COG4: variants seen among roughly 807,000 people sequenced by gnomAD.
COG4 encodes conserved oligomeric Golgi complex subunit 4.
COG4 carries 65 observed loss-of-function variants against 95.1 expected under a neutral mutation model. The observed-to-expected ratio is 0.68, with a 90% confidence interval of 0.56 to 0.84. COG4 has a LOEUF of 0.84. Among genes scored for constraint, COG4 ranks in the 40% least tolerant of loss-of-function variants. The pLI is 0.00. For synonymous variants in COG4, 421 were observed against 374.8 expected (o/e 1.12, Z -1.42); for missense variants, 1,045 against 989.1 (o/e 1.06, Z -0.76).
intron 14 of COG4, among the ~76,000 whole-genome samples, chr16:70,483,536 A>C (rs1274896969): frequency 2.0e-5 from 3 of 152,044 alleles, no homozygotes; most frequent in African/African-American, 7.2e-5. Context: ...GCTCAATGTT[A>C]GGCAGCACCT....
Position 70,496,308 on chromosome 16 carries a change from T to G in COG4, c.1605A>C (p.Thr535=), listed in dbSNP as rs751237267. The G allele has an allele frequency of 4.8e-5, 77 of 1,614,076 alleles. No homozygotes were observed. In the Admixed American group the frequency reaches 1.3e-3, roughly 27 times the overall value. The change falls in exon 12 of 19, where the codon ACA becomes ACC. Residue 535 remains threonine, a synonymous_variant. Transcript: ENST00000323786. ...HSSLQQGKFD[T]KGIESTDEAK... Reference sequence around the variant, plus strand: ...CCTCGTCAGTACTCTCGATGCCTTTTGTGTCAAATTTGCCTTGCTGGAGGC... The same window carrying G: ...CCTCGTCAGTACTCTCGATGCCTTTGGTGTCAAATTTGCCTTGCTGGAGGC...
chr16:70,519,239 T>C (rs1477010416), intron 2 of COG4, among the ~76,000 whole-genome samples: 1 of 88,248 alleles, frequency 1.1e-5, no homozygotes, highest in East Asian at 3.5e-4. Flanking sequence ...GCCATTCTCC[T>C]GCCTCAGCCT....
intron 1 of COG4, among the ~76,000 whole-genome samples, chr16:70,520,672 C>T (rs866046547): frequency 1.3e-5 from 2 of 150,914 alleles, no homozygotes; most frequent in South Asian, 2.1e-4. Flanking sequence ...AAACAAAAAA[C>T]ACCACACACA....
chr16:70,498,240 C>A (rs2049380173), intron 9 of COG4, among the ~76,000 whole-genome samples, 185 bp from the exon 10 acceptor site: 1 of 152,032 alleles, frequency 6.6e-6, no homozygotes, highest in African/African-American at 2.4e-5. Context: ...TAAATATTTT[C>A]CATGTTTTCA....
At chr16:70,521,752 AGT>A (rs1479748799) in intron 1 of COG4, among the ~76,000 whole-genome samples, 2 of 141,362 alleles carry the variant, frequency 1.4e-5, no homozygotes, top group Non-Finnish European at 3.0e-5. Flanking sequence ...CCGAGGCTGG[AGT>A]GCAGTGGTGC....
Position 70,517,732 on chromosome 16 carries a change from A to C in COG4, c.263T>G (p.Leu88Arg). 6.2e-7 allele frequency: 1 copy of C among 1,607,622 alleles called. No individual in the cohort carries two copies. The highest frequency in any genetic ancestry group is 8.5e-7 in the Non-Finnish European group (1 of 1,174,186). ...MVTLHRMGPN[L>R]QLIEGDAKQL... The stretch of plus-strand genomic sequence containing the variant: ...CTTTGCATCTCCCTCAATCAGCTGC[A>C]GATTAGGACTGGAGAAATACATTGT... The change falls in exon 3 of 19, where the codon CTG becomes CGG. Residue 88 changes from leucine to arginine, a missense_variant. Physicochemically the swap from Leu to Arg is moderately radical, Grantham distance 102. Transcript: ENST00000323786.
At chr16:70,491,454 G>C (rs13331220) in intron 12 of COG4, among the ~76,000 whole-genome samples, 17,238 of 140,474 alleles carry the variant, frequency 0.12, 3,424 homozygotes, top group African/African-American at 0.42. Flanking sequence ...TGGGAGATGA[G>C]AGGTTGCAGT....
Position 70,496,644 on chromosome 16 carries a change from G to A in COG4, c.1482-213C>T, listed in dbSNP as rs11641683. ...ACTGATGTGACAAGAACATACAGGGGAGACTGGCCAATCTCTACTGTTCAT... is the reference window on the plus strand; with the variant it reads ...ACTGATGTGACAAGAACATACAGGGAAGACTGGCCAATCTCTACTGTTCAT... On this transcript the variant is annotated intron_variant, in intron 11 of 18. Coordinates refer to ENST00000323786, the MANE Select transcript of COG4 (RefSeq NM_015386.3). Among the ~76,000 whole-genome samples, 60,680 of 151,980 alleles carry A rather than the reference G, an allele frequency of 0.4. 12,618 individuals are homozygous for A. The highest frequency in any genetic ancestry group is 0.66 in the South Asian group (3,168 of 4,816).
At chr16:70,515,466 A>C (rs1397615070) in intron 3 of COG4, among the ~76,000 whole-genome samples, 3 of 152,090 alleles carry the variant, frequency 2.0e-5, no homozygotes, top group Admixed American at 2.0e-4. Context: ...TGGGTGGATC[A>C]CGAGGTCAGG....
At chr16:70,484,101 A>T (rs1175097926) in intron 13 of COG4, 132 bp from the exon 14 acceptor site, 3 of 732,116 alleles carry the variant, frequency 4.1e-6, no homozygotes, top group Non-Finnish European at 7.3e-6. Flanking sequence ...GAAAACCTGG[A>T]TTCTATCCTG....
intron 5 of COG4, 54 bp from the exon 6 acceptor site, chr16:70,510,075 G>T: frequency 2.1e-6 from 3 of 1,448,664 alleles, no homozygotes; most frequent in Non-Finnish European, 2.9e-6. Context: ...CCTCATACCA[G>T]GTATATCTCA....
intron 12 of COG4, 26 bp downstream of exon 12, chr16:70,496,240 C>A: frequency 6.2e-7 from 1 of 1,613,990 alleles, no homozygotes; most frequent in South Asian, 1.1e-5. Flanking sequence ...TAAACCAACC[C>A]AGCTCGTGAG....
intron 9 of COG4, 119 bp downstream of exon 9, chr16:70,500,839 G>A (rs2049433727): frequency 7.9e-7 from 1 of 1,260,716 alleles, no homozygotes; most frequent in Admixed American, 1.7e-5. Flanking sequence ...TTTGCCTACA[G>A]ACCACCAGGG....
At chr16:70,482,252 T>TA in intron 15 of COG4, 77 bp from the exon 16 acceptor site, 1 of 918,264 alleles carries the variant, frequency 1.1e-6, no homozygotes. Context: ...TCTATCCCTC[T>TA]AAGAAAATAA....
chr16:70,497,412 T>C (rs199678248), intron 10 of COG4, 25 bp from the exon 11 acceptor site: 5 of 1,609,666 alleles, frequency 3.1e-6, no homozygotes, highest in East Asian at 2.2e-5. Context: ...AAGCCAACAC[T>C]GAGGGTCCCA....
At position 70,512,255 on chromosome 16, in the gene COG4, T is replaced by C. The variant is rs148014121; in HGVS notation, c.722A>G (p.Glu241Gly). The C allele has an allele frequency of 8.3e-5, 134 of 1,614,052 alleles. No homozygotes were observed. The highest frequency in any genetic ancestry group is 1.1e-4 in the Non-Finnish European group (126 of 1,180,032). Reference sequence around the variant, plus strand: ...GGTCCATACCTGCTTGCAAAGGTACTCCGAGAACTTTCTTAATCCCTCCTC... The same window carrying C: ...GGTCCATACCTGCTTGCAAAGGTACCCCGAGAACTTTCTTAATCCCTCCTC... ...LHEEGLRKFS[E>G]YLCKQVASKA... The change falls in exon 5 of 19, where the codon GAG becomes GGG. Residue 241 changes from glutamate (E) to glycine (G), a missense_variant. By Grantham distance (98) the Glu-to-Gly change is moderately conservative. Transcript: ENST00000323786.
At chr16:70,518,979 A>C (rs1158049898) in intron 2 of COG4, among the ~76,000 whole-genome samples, 1 of 118,066 alleles carries the variant, frequency 8.5e-6, no homozygotes, top group Non-Finnish European at 1.5e-5. Flanking sequence ...CTCCATCTCA[A>C]AAAAAAAAAA....
intron 2 of COG4, 61 bp from the exon 3 acceptor site, chr16:70,517,801 T>C: frequency 9.6e-7 from 1 of 1,047,118 alleles, no homozygotes; most frequent in East Asian, 2.4e-5. Flanking sequence ...CAGAAACTTT[T>C]TTTTGCATAT....
chr16:70,504,690 T>A (rs1047173447), intron 8 of COG4, among the ~76,000 whole-genome samples: 7 of 149,866 alleles, frequency 4.7e-5, no homozygotes, highest in Non-Finnish European at 8.9e-5. Context: ...GGCGGGTGGA[T>A]CACAAGGTCA....
Sources: allele counts gnomAD v4.1 joint callset (sites outside exome capture counted in the v4.1 genomes callset), GRCh38; gene constraint gnomAD v4.1.1; transcripts MANE v1.5; gene names NCBI Gene and HGNC (gene_info 2026-07-23, HGNC 2026-07-21).